Variants in ME1 observed in about 807,000 individuals in gnomAD.
ME1 encodes the protein NADP-dependent malic enzyme.
Under a neutral mutation model 66.4 loss-of-function variants are expected in ME1, and 74 were observed. The ratio of observed to expected loss-of-function variants is 1.11; its 90% CI spans 0.92 to 1.35. ME1 has a LOEUF of 1.35. ME1 is among the 40% of genes most tolerant of loss of function. The pLI, the probability that ME1 is intolerant of heterozygous loss-of-function variation, is 0.00. For synonymous variants in ME1, 251 were observed against 235.6 expected (o/e 1.07, Z -0.60); for missense variants, 750 against 694.1 (o/e 1.08, Z -0.90).
chr6:83,259,267 A>G (rs1456564679), intron 6 of ME1, among the ~76,000 whole-genome samples: 2 of 152,222 alleles, frequency 1.3e-5, no homozygotes, highest in African/African-American at 2.4e-5. Flanking sequence ...TGAATTAAGC[A>G]GCAAATAAGA....
chr6:83,290,318 G>T (rs770510092), intron 6 of ME1, among the ~76,000 whole-genome samples: 6 of 152,068 alleles, frequency 3.9e-5, no homozygotes, highest in Non-Finnish European at 8.8e-5. Context: ...AGAGATTCTG[G>T]TACATTGTGT....
Position 83,352,145 on chromosome 6 carries a change from GAAAAAA to G in ME1, c.363-12_363-7del. 127 of 938,754 alleles carry G rather than the reference GAAAAAA, an allele frequency of 1.4e-4. No homozygotes were observed. The highest frequency in any genetic ancestry group is 2.4e-4 in the South Asian group (8 of 32,786). 58.2% of individuals were successfully genotyped at this position (938,754 alleles called of 1,614,324 possible). On this transcript the variant is annotated splice_region_variant and splice_polypyrimidine_tract_variant and intron_variant, in intron 3 of 13. Transcript: ENST00000369705. The stretch of plus-strand genomic sequence containing the variant: ...GGATAGTAATAAAGAGACCTCTGCA[GAAAAAA>G]AAAAAAAAAAAGGAGTAGTTTACAT...
chr6:83,334,241 T>C (rs1251014401), intron 5 of ME1, among the ~76,000 whole-genome samples: 1 of 144,932 alleles, frequency 6.9e-6, no homozygotes, highest in African/African-American at 2.6e-5. Context: ...CCCACCCGAA[T>C]ATTGCGCTTT....
intron 13 of ME1, among the ~76,000 whole-genome samples, chr6:83,215,119 T>C (rs1789965623): frequency 2.0e-5 from 3 of 152,222 alleles, no homozygotes. Flanking sequence ...CAGATTATTA[T>C]GTAAAGGTTT....
intron 6 of ME1, among the ~76,000 whole-genome samples, chr6:83,278,192 G>A (rs1166291240): frequency 6.6e-6 from 1 of 152,092 alleles, no homozygotes; most frequent in Non-Finnish European, 1.5e-5. Flanking sequence ...AAGCCCAGGA[G>A]CAGAACCGTG....
intron 7 of ME1, among the ~76,000 whole-genome samples, chr6:83,249,883 T>C (rs1266940111): frequency 6.6e-6 from 1 of 152,172 alleles, no homozygotes; most frequent in Non-Finnish European, 1.5e-5. Context: ...TAACAGTCTT[T>C]TTATCTTCAC....
intron 3 of ME1, among the ~76,000 whole-genome samples, chr6:83,355,122 C>A (rs564452133): frequency 6.6e-5 from 10 of 152,184 alleles, no homozygotes; most frequent in African/African-American, 2.4e-4. Context: ...TCTTTTGGAT[C>A]CCTGTCATAG....
intron 3 of ME1, among the ~76,000 whole-genome samples, chr6:83,370,984 A>G (rs778643643): frequency 3.8e-4 from 58 of 152,264 alleles, no homozygotes; most frequent in Non-Finnish European, 7.5e-4. Flanking sequence ...CTCTAAACAT[A>G]TAACACTTTA....
intron 5 of ME1, among the ~76,000 whole-genome samples, chr6:83,320,949 G>A (rs1432089405): frequency 6.6e-6 from 1 of 152,112 alleles, no homozygotes; most frequent in African/African-American, 2.4e-5. Flanking sequence ...TCCAATTGAG[G>A]TACCCGGTTC....
intron 3 of ME1, among the ~76,000 whole-genome samples, chr6:83,386,884 T>C (rs778679190): frequency 6.6e-6 from 1 of 151,606 alleles, no homozygotes; most frequent in Non-Finnish European, 1.5e-5. Flanking sequence ...CAGAAGAGGG[T>C]CCTTACTGGA....
chr6:83,266,557 G>T lies in ME1; in HGVS notation c.705-12819C>A, dbSNP rs565876500. Among the ~76,000 whole-genome samples, 42 of 152,170 alleles carry T rather than the reference G, an allele frequency of 2.8e-4. 2 individuals carry two copies. The South Asian group carries it at 8.7e-3, about 32-fold the overall frequency. ...ATACTAATTAAATGCCAGTATTATT[G>T]TCTAACACTAATCAAAATTAAATAC... On this transcript the variant is annotated intron_variant, in intron 6 of 13. Coordinates refer to ENST00000369705, the MANE Select transcript of ME1 (RefSeq NM_002395.6).
intron 4 of ME1, among the ~76,000 whole-genome samples, chr6:83,348,667 A>T (rs1026584182): frequency 2.0e-5 from 3 of 151,716 alleles, no homozygotes; most frequent in African/African-American, 7.3e-5. Flanking sequence ...ATGTTAAACT[A>T]AATATATGTC....
chr6:83,278,929 A>G (rs187297770), intron 6 of ME1, among the ~76,000 whole-genome samples: 1 of 152,318 alleles, frequency 6.6e-6, no homozygotes, highest in African/African-American at 2.4e-5. Context: ...AATGGAGGAA[A>G]GAAAATACTC....
At chr6:83,390,634 T>C (rs1029926636) in intron 3 of ME1, among the ~76,000 whole-genome samples, 1 of 152,152 alleles carries the variant, frequency 6.6e-6, no homozygotes, top group East Asian at 1.9e-4. Flanking sequence ...TAAATTGCAA[T>C]ATGACAGAAA....
intron 12 of ME1, among the ~76,000 whole-genome samples, chr6:83,218,640 C>G (rs1290103412): frequency 6.6e-6 from 1 of 152,162 alleles, no homozygotes; most frequent in Non-Finnish European, 1.5e-5. Context: ...CATCCTACAT[C>G]AGAGGGCCAG....
intron 13 of ME1, among the ~76,000 whole-genome samples, chr6:83,215,010 A>T (rs1191084893): frequency 6.6e-6 from 1 of 152,204 alleles, no homozygotes; most frequent in African/African-American, 2.4e-5. Flanking sequence ...ACTTAAAATG[A>T]TAATATGCTA....
At chr6:83,233,479 A>G (rs1790340222) in intron 9 of ME1, among the ~76,000 whole-genome samples, 1 of 152,050 alleles carries the variant, frequency 6.6e-6, no homozygotes, top group African/African-American at 2.4e-5. Context: ...CACTGCACAT[A>G]TGGATATGGT....
chr6:83,386,413 T>TA (rs1195000943), intron 3 of ME1, among the ~76,000 whole-genome samples: 1 of 151,946 alleles, frequency 6.6e-6, no homozygotes, highest in African/African-American at 2.4e-5. Context: ...TAGTTTAATT[T>TA]AAAAAAGGCA....
chr6:83,340,652 G>A (rs1382499447), intron 5 of ME1, among the ~76,000 whole-genome samples: 1 of 150,914 alleles, frequency 6.6e-6, no homozygotes, highest in Non-Finnish European at 1.5e-5. Flanking sequence ...GTAAATATGA[G>A]ACTAATTAGC....
Sources: gnomAD v4.1 joint callset for allele counts (sites outside exome capture counted in the v4.1 genomes callset) on GRCh38, gnomAD v4.1.1 for gene constraint, MANE v1.5 for transcripts, NCBI Gene and HGNC (gene_info 2026-07-23, HGNC 2026-07-21) for gene names.